Variants in DCAF6 observed in about 807,000 individuals in gnomAD.
DCAF6 encodes the protein DDB1- and CUL4-associated factor 6.
In DCAF6, 54 loss-of-function variants were observed where a neutral mutation model predicts 125.1. That is an observed-to-expected ratio of 0.43 (90% CI 0.35 to 0.54). DCAF6 has a LOEUF of 0.54. Among genes scored for constraint, DCAF6 ranks in the 20% least tolerant of loss-of-function variants. The pLI is 0.01. For synonymous variants in DCAF6, 371 were observed against 390.4 expected, an observed-to-expected ratio of 0.95 and a Z score of 0.58; for missense variants, 934 against 1,161.7, an observed-to-expected ratio of 0.80 and a Z score of 2.85.
At position 167,966,708 on chromosome 1, in the gene DCAF6, C is replaced by T. The variant is rs772286593; in HGVS notation, c.239C>T (p.Pro80Leu). The change falls in exon 3 of 22, where the codon CCT (proline) becomes CTT (leucine). Residue 80 changes from proline (P) to leucine (L), a missense_variant. This residue lies in a region of DCAF6 where 309 missense variants were observed against 381.2 expected (regional missense o/e 0.81). Transcript: ENST00000367840. The stretch of plus-strand genomic sequence containing the variant: ...GACACCAAATTAGTAATTAGTAATC[C>T]TTACAGCAGAAAGGTAAAGTAGTTT... ...SDDTKLVISN[P>L]YSRKVLTTIR... 3 of 1,579,832 alleles carry T rather than the reference C, an allele frequency of 1.9e-6. No homozygotes were observed. Among genetic ancestry groups the T allele is most frequent in the Admixed American group, 3.4e-5 (2 of 58,578 alleles).
intron 3 of DCAF6, among the ~76,000 whole-genome samples, chr1:167,970,460 T>G (rs970259635): frequency 8.5e-5 from 13 of 152,234 alleles, no homozygotes; most frequent in Admixed American, 7.2e-4. Context: ...AAGACCAGCC[T>G]GGGAAATGTA....
chr1:168,041,999 C>T (rs1688603297), intron 13 of DCAF6, among the ~76,000 whole-genome samples: 2 of 150,994 alleles, frequency 1.3e-5, no homozygotes, highest in Admixed American at 1.3e-4. Context: ...TGATGCATAG[C>T]CTTCCTGACA....
At chr1:168,056,816 C>T (rs1359387276) in intron 17 of DCAF6, among the ~76,000 whole-genome samples, 1 of 152,176 alleles carries the variant, frequency 6.6e-6, no homozygotes, top group African/African-American at 2.4e-5. Flanking sequence ...AAATGCTCTG[C>T]TTCTGGATTA....
intron 2 of DCAF6, among the ~76,000 whole-genome samples, chr1:167,953,686 G>A (rs1170612107): frequency 1.3e-5 from 2 of 151,616 alleles, no homozygotes; most frequent in Admixed American, 6.6e-5. Flanking sequence ...TGCAACCTCC[G>A]TCTCCCGGGT....
intron 21 of DCAF6, among the ~76,000 whole-genome samples, chr1:168,072,314 A>G (rs1379908021): frequency 2.0e-5 from 3 of 148,412 alleles, no homozygotes; most frequent in African/African-American, 7.4e-5. Context: ...AAAAAAAAAA[A>G]AAAAAAAAAA....
intron 1 of DCAF6, among the ~76,000 whole-genome samples, chr1:167,941,435 G>C (rs980587312): frequency 6.6e-6 from 1 of 152,078 alleles, no homozygotes; most frequent in Non-Finnish European, 1.5e-5. Context: ...GTATGCTTTA[G>C]GTCAGTGTTT....
intron 12 of DCAF6, among the ~76,000 whole-genome samples, chr1:168,025,114 G>A (rs1215086209): frequency 6.6e-6 from 1 of 151,910 alleles, no homozygotes; most frequent in Non-Finnish European, 1.5e-5. Flanking sequence ...AGGATATATG[G>A]ATTTAATAAT....
At chr1:167,880,995 C>T in the DCAF6 span, among the ~76,000 whole-genome samples, 1 of 152,188 alleles carries the variant, frequency 6.6e-6, no homozygotes. Context: ...CAAGCCACTT[C>T]TCAAGTGTGG....
At chr1:167,974,749 T>TTAC (rs758645461) in intron 3 of DCAF6, 81 bp from the exon 4 acceptor site, 12 of 1,079,798 alleles carry the variant, frequency 1.1e-5, no homozygotes, top group Non-Finnish European at 1.5e-5. Flanking sequence ...TGAGAATGTA[T>TTAC]TACTGGCTAT....
intron 4 of DCAF6, among the ~76,000 whole-genome samples, chr1:167,986,190 T>A (rs1355068633): frequency 6.6e-6 from 1 of 152,218 alleles, no homozygotes; most frequent in Non-Finnish European, 1.5e-5. Flanking sequence ...AGTGCATGTT[T>A]TTACATGCCC....
intron 1 of DCAF6, among the ~76,000 whole-genome samples, chr1:167,944,978 T>G (rs1672833903): frequency 6.6e-6 from 1 of 152,200 alleles, no homozygotes; most frequent in Non-Finnish European, 1.5e-5. Flanking sequence ...TGAAGAGGGT[T>G]TCGTTTCCAC....
intron 12 of DCAF6, among the ~76,000 whole-genome samples, chr1:168,024,532 G>A (rs1395766464): frequency 2.6e-5 from 4 of 152,098 alleles, no homozygotes; most frequent in Admixed American, 1.3e-4. Context: ...GGGGCCAGGC[G>A]TGGTGGCCCA....
intron 1 of DCAF6, among the ~76,000 whole-genome samples, chr1:167,937,956 A>G (rs1048208618): frequency 6.6e-6 from 1 of 152,006 alleles, no homozygotes; most frequent in Non-Finnish European, 1.5e-5. Flanking sequence ...TGTTGCTCTC[A>G]TTTGTTTTTG....
At chr1:167,883,416 C>T in the DCAF6 span, 6 of 1,613,220 alleles carry the variant, frequency 3.7e-6, no homozygotes, top group Non-Finnish European at 5.1e-6. Flanking sequence ...GGTAGGTTCC[C>T]ATCCCATAGT....
intron 4 of DCAF6, among the ~76,000 whole-genome samples, chr1:167,977,525 C>T (rs992178431): frequency 1.3e-5 from 2 of 151,692 alleles, no homozygotes; most frequent in African/African-American, 4.8e-5. Context: ...TTTTTCTTTG[C>T]CGGGTTTTTT....
intron 5 of DCAF6, among the ~76,000 whole-genome samples, chr1:167,990,124 G>A (rs1680618305): frequency 1.3e-5 from 2 of 152,046 alleles, no homozygotes; most frequent in Non-Finnish European, 2.9e-5. Flanking sequence ...TTAATTTTTT[G>A]TTATATTTTA....
chr1:168,016,639 C>G (rs1199667966), intron 11 of DCAF6, among the ~76,000 whole-genome samples: 1 of 152,096 alleles, frequency 6.6e-6, no homozygotes, highest in East Asian at 1.9e-4. Flanking sequence ...CCAGAAAGTT[C>G]ATGATGCTCA....
chr1:168,025,385 G>A (rs1204963792), intron 12 of DCAF6, among the ~76,000 whole-genome samples: 1 of 152,078 alleles, frequency 6.6e-6, no homozygotes, highest in Non-Finnish European at 1.5e-5. Flanking sequence ...TTTTGGCTAT[G>A]TAAAGTATGA....
At chr1:167,869,523 A>G in the DCAF6 span, among the ~76,000 whole-genome samples, 10 of 152,220 alleles carry the variant, frequency 6.6e-5, no homozygotes, top group Admixed American at 5.9e-4. Context: ...CCGGCGCCTA[A>G]GAACCAGACC....
Sources: gnomAD v4.1 joint callset for allele counts (sites outside exome capture counted in the v4.1 genomes callset) on GRCh38, gnomAD v4.1.1 for gene constraint, gnomAD v4.1.1 regional missense constraint, MANE v1.5 for transcripts, NCBI Gene and HGNC (gene_info 2026-07-23, HGNC 2026-07-21) for gene names.